The following STOX2 variants were observed in gnomAD, a reference collection of about 807,000 sequenced individuals.
STOX2 encodes storkhead-box protein 2.
STOX2 carries 28 observed loss-of-function variants against 60.9 expected under a neutral mutation model. The observed-to-expected ratio is 0.46, with a 90% CI of 0.34 to 0.63. The LOEUF (loss-of-function observed/expected upper bound fraction) is 0.63. STOX2 is among the 30% of genes least tolerant of loss of function. The probability of loss-of-function intolerance (pLI) is 0.01; values close to 1 mark genes in which losing one functional copy is unlikely to be tolerated. For synonymous variants in STOX2, 472 were observed against 463.9 expected (o/e 1.02, Z -0.22); for missense variants, 1,024 against 1,187.7 (o/e 0.86, Z 2.03).
Position 183,865,921 on chromosome 4 carries a change from C to T in STOX2, c.364+67866C>T, listed in dbSNP as rs906805202. Among the ~76,000 whole-genome samples the T allele has an allele frequency of 1.3e-5, 2 of 151,896 alleles. No homozygotes were observed. The highest frequency in any genetic ancestry group is 3.9e-4 in the East Asian group (2 of 5,172). On this transcript the variant is annotated intron_variant, in intron 1 of 2. Coordinates refer to the STOX2 transcript ENST00000513034. The surrounding 1 kb of genome is among the most constrained non-coding windows in gnomAD (Gnocchi z 4.1). ...AAACAACGTTTAAGCTGATGAGTGG[C>T]GTGATAAAGATTAGGCTTTAGGAAA...
In STOX2 at chr4:183,989,537, C is replaced by T. The variant is rs575763882; in HGVS notation, c.167-11788C>T. On this transcript the variant is annotated intron_variant, in intron 1 of 3. Coordinates refer to ENST00000308497, the MANE Select transcript of STOX2 (RefSeq NM_020225.3). ...TTCTTACCAATTAATATATAGTGCC[C>T]GAAATTTTGCATACTGTTTGGCCTG... 9.9e-5 allele frequency among the ~76,000 whole-genome samples: 15 copies of T among 152,142 alleles called. No individual in the cohort carries two copies. The East Asian group carries it at 1.7e-3, about 18-fold the overall frequency.
At chr4:183,950,882 C>T (rs1414283483) in intron 1 of STOX2, among the ~76,000 whole-genome samples, 1 of 152,096 alleles carries the variant, frequency 6.6e-6, no homozygotes, top group Non-Finnish European at 1.5e-5. Context: ...GCAGAAAGCC[C>T]CCACAACCCA....
At chr4:183,915,294 T>G (rs1741898697) in intron 1 of STOX2, among the ~76,000 whole-genome samples, 1 of 152,248 alleles carries the variant, frequency 6.6e-6, no homozygotes, top group African/African-American at 2.4e-5. Flanking sequence ...TCCTGTCTGG[T>G]TGGTTCCCCT....
chr4:184,017,277 G>T lies in STOX2; in HGVS notation c.2774G>T (p.Ser925Ile). ...AACTGCTTGCAAGCTTCTGTTACTA[G>T]CGTGTGATTGTCCTTCTGCCTCAGA... Reference protein sequence around the residue: ...PSNCLQASVTSV With the variant: ...PSNCLQASVTIV Residue 925 changes from serine (S) to isoleucine (I), a missense_variant, in exon 4 of 4, where the codon AGC becomes ATC. This residue lies in a region of STOX2 where 922 missense variants were observed against 1,058.3 expected (regional missense o/e 0.87). Coordinates refer to ENST00000308497, the MANE Select transcript of STOX2 (RefSeq NM_020225.3). 2 of 1,590,986 alleles carry T rather than the reference G, an allele frequency of 1.3e-6. No homozygotes were observed.
At chr4:183,854,872 A>G (rs899918930) in intron 1 of STOX2, among the ~76,000 whole-genome samples, 1 of 152,222 alleles carries the variant, frequency 6.6e-6, no homozygotes, top group Non-Finnish European at 1.5e-5. Flanking sequence ...TTTAACATGC[A>G]TATGAATTTA....
chr4:183,954,884 G>T (rs558820536), intron 1 of STOX2, among the ~76,000 whole-genome samples: 7 of 151,896 alleles, frequency 4.6e-5, no homozygotes, highest in Non-Finnish European at 7.4e-5. Flanking sequence ...GATTACAGGC[G>T]TGCACCACCA....
intron 1 of STOX2, among the ~76,000 whole-genome samples, chr4:183,919,288 G>A (rs761380905): frequency 2.4e-4 from 36 of 152,220 alleles, no homozygotes; most frequent in Non-Finnish European, 5.0e-4. Flanking sequence ...CTAAGGGCCA[G>A]AAGTGGAGGT....
intron 1 of STOX2, among the ~76,000 whole-genome samples, chr4:183,818,309 T>C (rs947098553): frequency 1.3e-5 from 2 of 152,068 alleles, no homozygotes; most frequent in African/African-American, 4.8e-5. Context: ...TTAACGAGCA[T>C]GCTGCCTTCA....
At chr4:183,982,353 A>G (rs769373580) in intron 1 of STOX2, among the ~76,000 whole-genome samples, 2 of 152,228 alleles carry the variant, frequency 1.3e-5, no homozygotes, top group African/African-American at 2.4e-5. Flanking sequence ...TTCCTTACAT[A>G]TACAGTGCAA....
At chr4:183,802,917 G>A (rs1738801651) in intron 1 of STOX2, among the ~76,000 whole-genome samples, 1 of 152,212 alleles carries the variant, frequency 6.6e-6, no homozygotes, top group African/African-American at 2.4e-5. Flanking sequence ...CACCGCACCC[G>A]GCCCGTATCA....
intron 1 of STOX2, among the ~76,000 whole-genome samples, chr4:183,881,034 A>G (rs1740946443): frequency 6.6e-6 from 1 of 152,230 alleles, no homozygotes; most frequent in African/African-American, 2.4e-5. Flanking sequence ...ACAGAGCTGT[A>G]GGGTGGTACA....
In STOX2 at chr4:183,905,627, A is replaced by T. The variant is rs1579396331; in HGVS notation, c.-1164A>T. 1 of 152,232 alleles carries T rather than the reference A, an allele frequency of 6.6e-6. No individual in the cohort carries two copies. The highest frequency in any genetic ancestry group is 2.1e-4 in the South Asian group (1 of 4,828). 9.4% of individuals were successfully genotyped at this position (152,232 alleles called of 1,614,324 possible). Reference sequence around the variant, plus strand: ...GAGCGGGAGGGACCATCCTAAAAATATGTAAATATCCAAGCGCTGGCTCCA... The same window carrying T: ...GAGCGGGAGGGACCATCCTAAAAATTTGTAAATATCCAAGCGCTGGCTCCA... On this transcript the variant is annotated 5_prime_UTR_variant, in exon 1 of 4. The change abolishes an upstream ATG in the 5' untranslated region. Transcript: ENST00000308497.
chr4:183,903,453 C>T (rs1327645027), upstream of STOX2, among the ~76,000 whole-genome samples: 2 of 152,176 alleles, frequency 1.3e-5, no homozygotes, highest in Admixed American at 6.5e-5. Flanking sequence ...CTTCATAGAA[C>T]TTAGCACAAT....
At chr4:183,859,285 C>T (rs13102486) in intron 1 of STOX2, among the ~76,000 whole-genome samples, 132,996 of 152,254 alleles carry the variant, frequency 0.87, 58,259 homozygotes, top group Non-Finnish European at 0.9. Flanking sequence ...AAAGTGCCTC[C>T]GAACTCCAGC....
intron 1 of STOX2, among the ~76,000 whole-genome samples, chr4:183,849,234 AG>A (rs1174936757): frequency 5.3e-5 from 8 of 152,212 alleles, no homozygotes; most frequent in Non-Finnish European, 8.8e-5. Context: ...GGTTGGAGGC[AG>A]GCTGGAGTTG....
At chr4:183,830,164 C>T (rs906849161) in intron 1 of STOX2, among the ~76,000 whole-genome samples, 1 of 152,110 alleles carries the variant, frequency 6.6e-6, no homozygotes, top group African/African-American at 2.4e-5. Flanking sequence ...AATTTCACAT[C>T]CCCCCCAACA....
chr4:183,881,299 G>A (rs1248592612), intron 1 of STOX2, among the ~76,000 whole-genome samples: 1 of 152,086 alleles, frequency 6.6e-6, no homozygotes, highest in Non-Finnish European at 1.5e-5. Flanking sequence ...TCAGGAGTTC[G>A]AGACCATCCT....
At chr4:183,798,171 C>T (rs1426525516) in intron 1 of STOX2, 6 of 1,033,108 alleles carry the variant, frequency 5.8e-6, no homozygotes, top group Non-Finnish European at 6.1e-6. Flanking sequence ...CGAGGCTCCC[C>T]TGGGTGCCCG....
At chr4:183,880,096 A>G (rs1740921830) in intron 1 of STOX2, among the ~76,000 whole-genome samples, 1 of 151,990 alleles carries the variant, frequency 6.6e-6, no homozygotes, top group African/African-American at 2.4e-5. Context: ...CTCCCACCTC[A>G]GCTTCCCAAG....
Sources: gnomAD v4.1 joint callset for allele counts (sites outside exome capture counted in the v4.1 genomes callset) on GRCh38, gnomAD v4.1.1 for gene constraint, gnomAD v4.1.1 regional missense constraint, Gnocchi (gnomAD v3.1) non-coding constraint, MANE v1.5 for transcripts, NCBI Gene and HGNC (gene_info 2026-07-23, HGNC 2026-07-21) for gene names.